Variants in DNAH11 observed in about 807,000 individuals in gnomAD.
The protein encoded by DNAH11 is axonemal beta dynein heavy chain 11.
DNAH11 carries 442 observed loss-of-function variants against 526.0 expected under a neutral mutation model. The ratio of observed to expected loss-of-function variants is 0.84; its 90% CI spans 0.78 to 0.91. DNAH11 has a LOEUF of 0.91. Among genes scored for constraint, DNAH11 ranks in the 40% least tolerant of loss-of-function variants. The probability of loss-of-function intolerance (pLI) is 0.00; values close to 1 mark genes in which losing one functional copy is unlikely to be tolerated. For synonymous variants in DNAH11, 2,461 were observed against 1,935.9 expected, an observed-to-expected ratio of 1.27 and a Z score of -7.12; for missense variants, 6,989 against 5,448.7, an observed-to-expected ratio of 1.28 and a Z score of -8.90.
intron 74 of DNAH11, among the ~76,000 whole-genome samples, chr7:21,879,858 G>A (rs960041404): frequency 1.3e-5 from 2 of 152,118 alleles, no homozygotes; most frequent in South Asian, 2.1e-4. Context: ...GCCGAGCAGG[G>A]TGGATCACCT....
At chr7:21,779,649 C>T (rs1787852683) in intron 57 of DNAH11, among the ~76,000 whole-genome samples, 1 of 152,158 alleles carries the variant, frequency 6.6e-6, no homozygotes, top group East Asian at 1.9e-4. Context: ...ATAGATTCTG[C>T]TTTCTTTCTA....
intron 24 of DNAH11, 97 bp from the exon 25 acceptor site, chr7:21,619,859 C>A: frequency 8.3e-7 from 1 of 1,199,364 alleles, no homozygotes; most frequent in Non-Finnish European, 1.2e-6. Context: ...TATCAGTTTG[C>A]ATTTTTGAAA....
chr7:21,615,647 C>T (rs965560311), intron 21 of DNAH11, among the ~76,000 whole-genome samples: 4 of 151,994 alleles, frequency 2.6e-5, no homozygotes, highest in Non-Finnish European at 5.9e-5. Context: ...TGGGCATACA[C>T]AAACAGACCC....
intron 54 of DNAH11, among the ~76,000 whole-genome samples, chr7:21,755,183 T>C (rs1786575163): frequency 1.3e-5 from 2 of 152,208 alleles, no homozygotes; most frequent in Admixed American, 6.5e-5. Flanking sequence ...AAATGTGACC[T>C]CTGAATGCCA....
At chr7:21,807,791 C>A in intron 62 of DNAH11, 92 bp from the exon 63 acceptor site, 1 of 1,274,672 alleles carries the variant, frequency 7.8e-7, no homozygotes, top group Non-Finnish European at 1.1e-6. Flanking sequence ...TGTGGAAGGA[C>A]GTAAACCTTG....
rs76342623 is a variant in DNAH11 at position 21,898,023 on chromosome 7, A to G, written c.13050-1313A>G. Among the ~76,000 whole-genome samples, 323 of 152,180 alleles carry G rather than the reference A, an allele frequency of 2.1e-3. 3 individuals carry two copies. The highest frequency in any genetic ancestry group is 7.3e-3 in the African/African-American group (301 of 41,510). On this transcript the variant is annotated intron_variant, in intron 79 of 81. Transcript: ENST00000409508. ...CTGTTTCACTTTTGCTTTCATTTCT[A>G]TAATTTTATTTTCTACTTCTTATTT...
Position 21,588,500 on chromosome 7 carries a change from A to G in DNAH11, c.1849-12A>G, listed in dbSNP as rs748480671. Reference sequence around the variant, plus strand: ...TCCCTTTCTTCCTCTTCACCAAAATATCAACTTGCAGATTGAATGTGGTCA... The same window carrying G: ...TCCCTTTCTTCCTCTTCACCAAAATGTCAACTTGCAGATTGAATGTGGTCA... On this transcript the variant is annotated splice_polypyrimidine_tract_variant and intron_variant, in intron 10 of 81. Transcript: ENST00000409508. 2 of 1,612,680 alleles carry G rather than the reference A, an allele frequency of 1.2e-6. No individual in the cohort carries two copies. Among genetic ancestry groups the G allele is most frequent in the South Asian group, 2.2e-5 (2 of 90,804 alleles).
Position 21,559,622 on chromosome 7 carries a change from A to T in DNAH11, c.712A>T (p.Ile238Leu). ...SENKPPSNER[I>L]ILHAIESVVI... ...TTGTAGGCCACCGTCAAACGAAAGGATAATACTTCATGCAATTGAATCTGT... is the reference window on the plus strand; with the variant it reads ...TTGTAGGCCACCGTCAAACGAAAGGTTAATACTTCATGCAATTGAATCTGT... Residue 238 changes from isoleucine (I) to leucine (L), a missense_variant, in exon 4 of 82, where the codon ATA becomes TTA. By Grantham distance (5) the Ile-to-Leu change is conservative. Transcript: ENST00000409508. 6.2e-7 allele frequency: 1 copy of T among 1,609,776 alleles called. No homozygotes were observed. The highest frequency in any genetic ancestry group is 8.5e-7 in the Non-Finnish European group (1 of 1,178,036).
intron 72 of DNAH11, 24 bp from the exon 73 acceptor site, chr7:21,868,840 T>C: frequency 5.0e-6 from 8 of 1,613,578 alleles, no homozygotes; most frequent in Non-Finnish European, 6.8e-6. Context: ...ACATTTCCTC[T>C]CACCGTGGTG....
At chr7:21,744,812 G>A in intron 50 of DNAH11, 58 bp from the exon 51 acceptor site, 1 of 1,545,718 alleles carries the variant, frequency 6.5e-7, no homozygotes, top group African/African-American at 1.4e-5. Flanking sequence ...CATGCTGCCT[G>A]CAGCTGGACC....
intron 55 of DNAH11, among the ~76,000 whole-genome samples, chr7:21,767,558 T>C (rs998216283): frequency 7.9e-5 from 12 of 152,214 alleles, no homozygotes; most frequent in Non-Finnish European, 1.8e-4. Flanking sequence ...TCCTATAGGA[T>C]GCTGAGTGCC....
intron 28 of DNAH11, among the ~76,000 whole-genome samples, chr7:21,654,492 G>A (rs556480891): frequency 5.1e-4 from 78 of 152,244 alleles, no homozygotes; most frequent in African/African-American, 1.9e-3. Flanking sequence ...ATCATTTGAT[G>A]GACATTTAGG....
At chr7:21,831,293 G>C (rs747554123) in intron 65 of DNAH11, among the ~76,000 whole-genome samples, 1 of 152,180 alleles carries the variant, frequency 6.6e-6, no homozygotes, top group African/African-American at 2.4e-5. Context: ...AAGTGATTCT[G>C]TTTGCTTTTC....
chr7:21,865,430 G>C (rs1783235708), intron 70 of DNAH11, among the ~76,000 whole-genome samples: 1 of 152,144 alleles, frequency 6.6e-6, no homozygotes, highest in South Asian at 2.1e-4. Flanking sequence ...ACATTCAAAA[G>C]GTTGATGAAG....
At chr7:21,583,230 A>G (rs1784374718) in intron 9 of DNAH11, among the ~76,000 whole-genome samples, 1 of 152,228 alleles carries the variant, frequency 6.6e-6, no homozygotes, top group South Asian at 2.1e-4. Context: ...TACTGGTACC[A>G]AAACAGATTG....
chr7:21,743,152 A>G (rs777846908), intron 49 of DNAH11, among the ~76,000 whole-genome samples: 26 of 152,234 alleles, frequency 1.7e-4, no homozygotes, highest in Non-Finnish European at 3.1e-4. Context: ...GCCATGGCAT[A>G]TGGTGACTTG....
At chr7:21,795,767 G>T (rs1788686902) in intron 61 of DNAH11, among the ~76,000 whole-genome samples, 1 of 152,178 alleles carries the variant, frequency 6.6e-6, no homozygotes, top group Non-Finnish European at 1.5e-5. Flanking sequence ...TGTTTAATTT[G>T]CCAAGTGCTG....
Position 21,901,069 on chromosome 7 carries a change from C to G in DNAH11, c.13366C>G (p.Pro4456Ala). Reference sequence around the variant, plus strand: ...AGCCCGTCTCAAGGAGCTGGCATGCCCTATGCCGGTCATCTTTGCAAAAGC... The same window carrying G: ...AGCCCGTCTCAAGGAGCTGGCATGCGCTATGCCGGTCATCTTTGCAAAAGC... ...VEARLKELAC[P>A]MPVIFAKATP... The change falls in exon 82 of 82, where the codon CCT becomes GCT. Residue 4456 changes from proline to alanine, a missense_variant. Physicochemically the swap from Pro to Ala is conservative, Grantham distance 27. Coordinates refer to ENST00000409508, the MANE Select transcript of DNAH11 (RefSeq NM_001277115.2). 1 of 1,613,912 alleles carries G rather than the reference C, an allele frequency of 6.2e-7. No homozygotes were observed. The highest frequency in any genetic ancestry group is 1.3e-5 in the African/African-American group (1 of 75,038).
Position 21,638,657 on chromosome 7 carries a change from C to G in DNAH11, c.4818-282C>G, listed in dbSNP as rs938205744. On this transcript the variant is annotated intron_variant, in intron 27 of 81. Transcript: ENST00000409508. ...CGGAAAAGCAATGAATAATGTAAAC[C>G]TAAGTCTAATTCATATTTAGCCACA... 6.6e-6 allele frequency among the ~76,000 whole-genome samples: 1 copy of G among 150,778 alleles called. No individual in the cohort carries two copies. The highest frequency in any genetic ancestry group is 1.5e-5 in the Non-Finnish European group (1 of 67,856).
Sources: allele counts gnomAD v4.1 joint callset (sites outside exome capture counted in the v4.1 genomes callset), GRCh38; gene constraint gnomAD v4.1.1; transcripts MANE v1.5; gene names NCBI Gene and HGNC (gene_info 2026-07-23, HGNC 2026-07-21).